Variants in G3BP2 observed in about 807,000 individuals in gnomAD.
G3BP2 encodes ras GTPase-activating protein-binding protein 2.
G3BP2 carries 11 observed loss-of-function variants against 56.7 expected under a neutral mutation model. The ratio of observed to expected loss-of-function variants is 0.19; its 90% confidence interval spans 0.12 to 0.32. The LOEUF (loss-of-function observed/expected upper bound fraction) is 0.32, where lower values mean the gene tolerates loss of function less well. G3BP2 is among the 10% of genes least tolerant of loss of function. The pLI, the probability that G3BP2 is intolerant of heterozygous loss-of-function variation, is 1.00. For missense variants in G3BP2, 340 were observed against 610.9 expected (o/e 0.56, Z 4.67); for synonymous variants, 165 against 191.6 (o/e 0.86, Z 1.15).
rs1732224191 is a variant in G3BP2 at position 75,657,785 on chromosome 4, CAAT to C, written c.178-58_178-56del. On this transcript the variant is annotated intron_variant, in intron 3 of 11. Coordinates refer to ENST00000359707, the MANE Select transcript of G3BP2 (RefSeq NM_203505.3). Reference sequence around the variant, plus strand: ...ACTCTGTGATACTGCATTACCTACACAATAATATTACCTACCCTCATTGATTTC... The same window carrying C: ...ACTCTGTGATACTGCATTACCTACACAATATTACCTACCCTCATTGATTTC... 4.7e-6 allele frequency: 5 copies of C among 1,065,668 alleles called. No individual in the cohort carries two copies. In the East Asian group the frequency reaches 7.3e-5, roughly 16 times the overall value. 66.0% of individuals were successfully genotyped at this position (1,065,668 alleles called of 1,614,324 possible).
intron 3 of G3BP2, among the ~76,000 whole-genome samples, chr4:75,686,565 G>GGGGGGT (rs1560413488): frequency 7.0e-6 from 1 of 141,952 alleles, no homozygotes; most frequent in African/African-American, 2.5e-5. Context: ...GGTGGGTGGC[G>GGGGGGT]GGGGGTGGGG....
Position 75,656,945 on chromosome 4 carries a change from A to C in G3BP2, c.421T>G (p.Ser141Ala). 6.5e-7 allele frequency: 1 copy of C among 1,534,256 alleles called. No individual in the cohort carries two copies. The highest frequency in any genetic ancestry group is 1.1e-5 in the South Asian group (1 of 88,026). The stretch of plus-strand genomic sequence containing the variant: ...TCACCTTCATCAAGTTCAGGCTCAG[A>C]ATCACCAAACACTTCATCTTCATAA... ...FRYEDEVFGD[S>A]EPELDEESED... Residue 141 changes from serine to alanine, a missense_variant, in exon 5 of 12, where the codon TCT (serine) becomes GCT (alanine). Coordinates refer to ENST00000359707, the MANE Select transcript of G3BP2 (RefSeq NM_203505.3).
intron 1 of G3BP2, among the ~76,000 whole-genome samples, chr4:75,722,595 T>C (rs900093118): frequency 6.6e-6 from 1 of 152,198 alleles, no homozygotes; most frequent in Middle Eastern, 3.2e-3. Context: ...GTTCTTTGCA[T>C]GCATTTCTTA....
chr4:75,645,114 A>G lies in G3BP2; in HGVS notation c.*316T>C, dbSNP rs180907041. On this transcript the variant is annotated 3_prime_UTR_variant, in exon 12 of 12. Coordinates refer to ENST00000359707, the MANE Select transcript of G3BP2 (RefSeq NM_203505.3). ...ACTTAAACAAAATGTGCAGCAGAAG[A>G]TTTTTTTTTTACTCAAAGGACCTGA... is the stretch of plus-strand genomic sequence containing the variant. 670 of 277,844 alleles carry G rather than the reference A, an allele frequency of 2.4e-3. 7 individuals carry two copies. The highest frequency in any genetic ancestry group is 0.013 in the African/African-American group (587 of 44,776). 17.2% of individuals were successfully genotyped at this position (277,844 alleles called of 1,614,324 possible).
At chr4:75,688,161 C>G (rs879266520) in intron 3 of G3BP2, among the ~76,000 whole-genome samples, 72 of 144,266 alleles carry the variant, frequency 5.0e-4, no homozygotes, top group Non-Finnish European at 1.0e-3. Flanking sequence ...GAACCTGGTG[C>G]CTTCCTTCTT....
chr4:75,690,175 TG>T (rs1339410026), intron 3 of G3BP2, among the ~76,000 whole-genome samples: 1 of 152,188 alleles, frequency 6.6e-6, no homozygotes. Flanking sequence ...GGCTCACACC[TG>T]TAATCCCAGC....
At chr4:75,647,004 T>C (rs747935425) in intron 10 of G3BP2, 25 bp downstream of exon 10, 6 of 1,471,422 alleles carry the variant, frequency 4.1e-6, no homozygotes, top group Middle Eastern at 1.8e-4. Context: ...ATTTAAAAAC[T>C]CCAACAGCAA....
chr4:75,659,072 G>C, intron 2 of G3BP2, 148 bp from the exon 3 acceptor site: 1 of 635,250 alleles, frequency 1.6e-6, no homozygotes, highest in South Asian at 2.0e-5. Context: ...AGGTCTTCAA[G>C]TTCAGCTTCC....
At chr4:75,654,536 A>T (rs780893266) in intron 7 of G3BP2, among the ~76,000 whole-genome samples, 7 of 152,358 alleles carry the variant, frequency 4.6e-5, no homozygotes, top group African/African-American at 1.4e-4. Context: ...TCACCACTCA[A>T]ATATACTTTA....
intron 3 of G3BP2, among the ~76,000 whole-genome samples, chr4:75,710,962 C>A (rs555109880): frequency 6.6e-6 from 1 of 152,174 alleles, no homozygotes; most frequent in South Asian, 2.1e-4. Context: ...CCGTGCCTGG[C>A]CCTGTCTGGC....
Position 75,679,609 on chromosome 4 carries a change from A to G in G3BP2, c.-24-17560T>C, listed in dbSNP as rs552092394. On this transcript the variant is annotated intron_variant, in intron 3 of 3. Coordinates refer to the G3BP2 transcript ENST00000499709. ...GTAACTTGTTTTGATCATATCTATG[A>G]AAGTCTATAAGTAGGTGAGATTCTA... 2.0e-5 allele frequency among the ~76,000 whole-genome samples: 3 copies of G among 152,344 alleles called. No homozygotes were observed. In the East Asian group the frequency reaches 5.8e-4, roughly 29 times the overall value.
At chr4:75,648,089 C>T (rs1045263393) in intron 9 of G3BP2, among the ~76,000 whole-genome samples, 3 of 152,142 alleles carry the variant, frequency 2.0e-5, no homozygotes, top group Non-Finnish European at 4.4e-5. Flanking sequence ...GTGGCTCATG[C>T]CTGTAATCCC....
intron 3 of G3BP2, among the ~76,000 whole-genome samples, chr4:75,685,285 G>A (rs1013173238): frequency 6.6e-6 from 1 of 151,888 alleles, no homozygotes; most frequent in Admixed American, 6.6e-5. Context: ...TGGATCACCT[G>A]AGGTCAGGAG....
intron 1 of G3BP2, among the ~76,000 whole-genome samples, chr4:75,666,579 A>T (rs1578405698): frequency 6.6e-6 from 1 of 152,242 alleles, no homozygotes; most frequent in Non-Finnish European, 1.5e-5. Flanking sequence ...ACTACTAGAG[A>T]TCAACCATCA....
At chr4:75,699,168 C>G (rs1163763331) in intron 3 of G3BP2, among the ~76,000 whole-genome samples, 1 of 152,184 alleles carries the variant, frequency 6.6e-6, no homozygotes, top group Non-Finnish European at 1.5e-5. Context: ...TTCCTCTCCA[C>G]TGGCTCATTT....
chr4:75,658,047 G>C (rs977032251), intron 3 of G3BP2, among the ~76,000 whole-genome samples: 3 of 152,146 alleles, frequency 2.0e-5, no homozygotes, highest in Admixed American at 6.5e-5. Context: ...TGTGTTTGCT[G>C]ATGCTATTTT....
chr4:75,678,296 TTGTGTGTGTGTG>T (rs57550763), upstream of G3BP2, among the ~76,000 whole-genome samples: 28,920 of 144,498 alleles, frequency 0.2, 2,891 homozygotes, highest in Middle Eastern at 0.33. Context: ...CGTGCCTAGC[TTGTGTGTGTGTG>T]TGTGTGTGTG....
rs6857387 is a variant in G3BP2, at chr4:75,678,458, G to T, written c.-24-16409C>A. Among the ~76,000 whole-genome samples, 642 of 152,276 alleles carry T rather than the reference G, an allele frequency of 4.2e-3. 1 individual carries two copies. Among genetic ancestry groups the T allele is most frequent in the African/African-American group, 0.014 (595 of 41,542 alleles). ...GGGCATGAGCCACACCTGACCTAAA[G>T]GTATTTTGTTATAGCAGCCCAAATA... On this transcript the variant is annotated intron_variant, in intron 3 of 3. Transcript: ENST00000499709.
intron 6 of G3BP2, 89 bp downstream of exon 6, chr4:75,655,679 G>C (rs1269692941): frequency 2.1e-5 from 15 of 727,466 alleles, no homozygotes; most frequent in Non-Finnish European, 3.7e-5. Context: ...GTTTTATCAA[G>C]AATTTACTTT....
Sources: gnomAD v4.1 joint callset for allele counts (sites outside exome capture counted in the v4.1 genomes callset) on GRCh38, gnomAD v4.1.1 for gene constraint, MANE v1.5 for transcripts, NCBI Gene and HGNC (gene_info 2026-07-23, HGNC 2026-07-21) for gene names.